Variants in LEPR observed in about 807,000 individuals in gnomAD.
The protein encoded by LEPR is OB receptor.
In LEPR, 56 loss-of-function variants were observed where a neutral mutation model predicts 114.7. That is an observed-to-expected ratio of 0.49 (90% CI 0.39 to 0.61). LEPR has a LOEUF of 0.61. Among genes scored for constraint, LEPR ranks in the 20% least tolerant of loss-of-function variants. LEPR has a pLI of 0.00. For missense variants in LEPR, 1,202 were observed against 1,352.9 expected (o/e 0.89, Z 1.75); for synonymous variants, 443 against 461.4 (o/e 0.96, Z 0.51).
Position 65,441,669 on chromosome 1 carries a change from A to G in LEPR, c.-21+16291A>G, listed in dbSNP as rs139086773. 2.6e-5 allele frequency among the ~76,000 whole-genome samples: 4 copies of G among 152,332 alleles called. No homozygotes were observed. The East Asian group carries it at 5.8e-4, about 22-fold the overall frequency. On this transcript the variant is annotated intron_variant, in intron 2 of 19. Coordinates refer to ENST00000349533, the MANE Select transcript of LEPR (RefSeq NM_002303.6). ...AGGAGAATTTGGGATTTGCATCAGA[A>G]TGACGAAGGGGAAGTGGGGGAGGGG...
intron 2 of LEPR, among the ~76,000 whole-genome samples, chr1:65,532,652 T>C (rs1432450963): frequency 6.6e-6 from 1 of 151,990 alleles, no homozygotes; most frequent in Admixed American, 6.6e-5. Context: ...TATTAGGCAA[T>C]AAAAGGGAAT....
chr1:65,598,606 G>A (rs1656239767), intron 7 of LEPR, 54 bp from the exon 8 acceptor site: 3 of 1,607,460 alleles, frequency 1.9e-6, no homozygotes, highest in Non-Finnish European at 2.5e-6. Context: ...CTCACTTTTA[G>A]TAAAGGTTCC....
rs140499391 is a variant in LEPR at position 65,478,150 on chromosome 1, T to A, written c.-21+52772T>A. ...AAATATGTGCAAGAGCTTGAAGGGC[T>A]TCTTATAAAAACTAAGAGGAAGACC... On this transcript the variant is annotated intron_variant, in intron 2 of 19. Transcript: ENST00000349533. 1.7e-4 allele frequency among the ~76,000 whole-genome samples: 26 copies of A among 152,314 alleles called. No individual in the cohort carries two copies. The East Asian group carries it at 5.0e-3, about 29-fold the overall frequency.
At chr1:65,542,376 T>G (rs1020970439) in intron 2 of LEPR, among the ~76,000 whole-genome samples, 6 of 152,146 alleles carry the variant, frequency 3.9e-5, no homozygotes, top group African/African-American at 1.4e-4. Context: ...AACAACTATT[T>G]ATGAGTACTT....
chr1:65,607,780 G>C (rs1390483770), intron 11 of LEPR, among the ~76,000 whole-genome samples: 1 of 152,116 alleles, frequency 6.6e-6, no homozygotes, highest in Non-Finnish European at 1.5e-5. Context: ...TAAAAATTAA[G>C]AACTTGGGGG....
chr1:65,543,782 T>G (rs533380153), intron 2 of LEPR, among the ~76,000 whole-genome samples: 3 of 152,026 alleles, frequency 2.0e-5, no homozygotes, highest in Non-Finnish European at 4.4e-5. Flanking sequence ...TGGTTGTAGA[T>G]GTGTGGCATT....
rs1646987677 is a variant in LEPR, at chr1:65,464,696, T to G, written c.-21+39318T>G. Reference sequence around the variant, plus strand: ...GATAGGCTATTAATTATTGCCTCAATTTCAGAACCTGTTATTGGTCTATTC... The same window carrying G: ...GATAGGCTATTAATTATTGCCTCAAGTTCAGAACCTGTTATTGGTCTATTC... On this transcript the variant is annotated intron_variant, in intron 2 of 19. Transcript: ENST00000349533. Among the ~76,000 whole-genome samples, 3 of 152,230 alleles carry G rather than the reference T, an allele frequency of 2.0e-5. No individual in the cohort carries two copies. The South Asian group carries it at 6.2e-4, about 31-fold the overall frequency.
At chr1:65,586,573 A>G (rs1379138361) in intron 5 of LEPR, among the ~76,000 whole-genome samples, 1 of 151,958 alleles carries the variant, frequency 6.6e-6, no homozygotes, top group Non-Finnish European at 1.5e-5. Flanking sequence ...ATGTTACTAC[A>G]TTTATGGGCA....
At chr1:65,587,187 A>G (rs889058731) in intron 5 of LEPR, among the ~76,000 whole-genome samples, 8 of 152,046 alleles carry the variant, frequency 5.3e-5, no homozygotes, top group Non-Finnish European at 1.0e-4. Flanking sequence ...ACTTAGGCAA[A>G]TATTCTTGCT....
intron 2 of LEPR, among the ~76,000 whole-genome samples, chr1:65,447,891 C>G (rs1646733404): frequency 6.6e-6 from 1 of 152,158 alleles, no homozygotes; most frequent in African/African-American, 2.4e-5. Context: ...TAATCTTGCT[C>G]TAGTTACTTA....
chr1:65,597,883 T>A (rs1199011758), intron 7 of LEPR, among the ~76,000 whole-genome samples: 1 of 151,976 alleles, frequency 6.6e-6, no homozygotes, highest in Non-Finnish European at 1.5e-5. Flanking sequence ...ATCTGTAAAC[T>A]GGAGATAATT....
At chr1:65,442,288 G>T (rs1646659436) in intron 2 of LEPR, among the ~76,000 whole-genome samples, 1 of 152,142 alleles carries the variant, frequency 6.6e-6, no homozygotes, top group African/African-American at 2.4e-5. Flanking sequence ...ATTGATTCCA[G>T]GTCTTTAGAC....
intron 2 of LEPR, among the ~76,000 whole-genome samples, chr1:65,525,413 C>T (rs115649028): frequency 0.047 from 7,228 of 152,192 alleles, 562 homozygotes; most frequent in African/African-American, 0.16. Context: ...GGCCTCCCTG[C>T]GGGCAGGGGT....
chr1:65,471,995 C>G (rs1341590217), intron 2 of LEPR, among the ~76,000 whole-genome samples: 1 of 152,144 alleles, frequency 6.6e-6, no homozygotes, highest in African/African-American at 2.4e-5. Flanking sequence ...GCCCAAAACA[C>G]TTCCCCAAGG....
chr1:65,447,539 T>C lies in LEPR; in HGVS notation c.-21+22161T>C, dbSNP rs986119039. 4.0e-5 allele frequency among the ~76,000 whole-genome samples: 6 copies of C among 151,188 alleles called. No individual in the cohort carries two copies. The South Asian group carries it at 8.4e-4, about 21-fold the overall frequency. On this transcript the variant is annotated intron_variant, in intron 2 of 19. Transcript: ENST00000349533. ...GGTATTGTGATTTTTCTTTTCTTTT[T>C]TTTTTTTTTTGATACAGGGTCTCAC...
At chr1:65,634,158 A>G (rs1230799096) in intron 19 of LEPR, 7 of 985,246 alleles carry the variant, frequency 7.1e-6, no homozygotes, top group Non-Finnish European at 8.4e-6. Flanking sequence ...CGTTGCTCAC[A>G]TTCAAACCAA....
chr1:65,605,436 C>T (rs548961633), intron 11 of LEPR, among the ~76,000 whole-genome samples, 199 bp downstream of exon 11: 54 of 152,178 alleles, frequency 3.5e-4, no homozygotes, highest in Non-Finnish European at 6.3e-4. Context: ...TTATAGCAGA[C>T]TTTTTTTAGC....
At chr1:65,493,000 A>G (rs1647960125) in intron 2 of LEPR, among the ~76,000 whole-genome samples, 1 of 151,916 alleles carries the variant, frequency 6.6e-6, no homozygotes, top group South Asian at 2.1e-4. Flanking sequence ...GCTCACTTTA[A>G]CTTCCACTTT....
chr1:65,443,194 A>G (rs781072868), intron 2 of LEPR, among the ~76,000 whole-genome samples: 9 of 152,170 alleles, frequency 5.9e-5, no homozygotes, highest in Non-Finnish European at 1.2e-4. Context: ...TTACACTTAT[A>G]AAACTTACTA....
Sources: gnomAD v4.1 joint callset for allele counts (sites outside exome capture counted in the v4.1 genomes callset) on GRCh38, gnomAD v4.1.1 for gene constraint, MANE v1.5 for transcripts, NCBI Gene and HGNC (gene_info 2026-07-23, HGNC 2026-07-21) for gene names.